The following SAMSN1 variants were observed in gnomAD, a reference collection of about 807,000 sequenced individuals.
SAMSN1 encodes SAM domain-containing protein SAMSN-1.
A neutral mutation model predicts 42.0 loss-of-function variants in SAMSN1; 31 were observed. The ratio of observed to expected loss-of-function variants is 0.74; its 90% CI spans 0.55 to 1.00. The LOEUF (loss-of-function observed/expected upper bound fraction) is 1.00. Among genes scored for constraint, SAMSN1 ranks in the 50% least tolerant of loss-of-function variants. The probability of loss-of-function intolerance (pLI) is 0.00; values close to 1 mark genes in which losing one functional copy is unlikely to be tolerated. For synonymous variants in SAMSN1, 178 were observed against 151.9 expected (o/e 1.17, Z -1.26); for missense variants, 464 against 439.4 (o/e 1.06, Z -0.50).
chr21:14,658,540 C>G (rs998424266), intron 1 of SAMSN1, among the ~76,000 whole-genome samples: 1 of 151,710 alleles, frequency 6.6e-6, no homozygotes, highest in Non-Finnish European at 1.5e-5. Context: ...TGTTGCAGAA[C>G]TCTTTTTAAT....
intron 2 of SAMSN1, among the ~76,000 whole-genome samples, chr21:14,570,390 C>A (rs1464466992): frequency 6.6e-6 from 1 of 152,150 alleles, no homozygotes; most frequent in Non-Finnish European, 1.5e-5. Flanking sequence ...GGCCTATGTC[C>A]AAGTGGAATC....
At chr21:14,621,915 C>G (rs973794835) in intron 2 of SAMSN1, among the ~76,000 whole-genome samples, 1 of 152,202 alleles carries the variant, frequency 6.6e-6, no homozygotes, top group African/African-American at 2.4e-5. Context: ...GGGTACCCCT[C>G]TGAGATGAAG....
intron 2 of SAMSN1, among the ~76,000 whole-genome samples, chr21:14,627,870 C>T (rs115154068): frequency 1.5e-3 from 222 of 152,186 alleles, no homozygotes; most frequent in African/African-American, 4.4e-3. Flanking sequence ...GAGTTAACTA[C>T]GAGGATAAGT....
chr21:14,636,452 C>T (rs1983469188), intron 2 of SAMSN1, among the ~76,000 whole-genome samples: 1 of 152,146 alleles, frequency 6.6e-6, no homozygotes, highest in Non-Finnish European at 1.5e-5. Context: ...ACTTGGGATC[C>T]AGAACTCCAG....
intron 1 of SAMSN1, among the ~76,000 whole-genome samples, chr21:14,537,271 A>G (rs1375423842): frequency 1.3e-5 from 2 of 151,994 alleles, no homozygotes; most frequent in Admixed American, 6.6e-5. Flanking sequence ...TCCTTCACCA[A>G]TCCCAAGACC....
intron 5 of SAMSN1, among the ~76,000 whole-genome samples, chr21:14,609,206 T>G (rs1450941817): frequency 6.6e-6 from 1 of 152,162 alleles, no homozygotes; most frequent in African/African-American, 2.4e-5. Flanking sequence ...AGTTTTCTTT[T>G]CAATTGCTTA....
intron 3 of SAMSN1, among the ~76,000 whole-genome samples, chr21:14,514,512 G>T (rs1987820267): frequency 6.6e-6 from 1 of 152,128 alleles, no homozygotes; most frequent in Non-Finnish European, 1.5e-5. Context: ...AGGAAAGAAA[G>T]GTTGGTTATT....
At chr21:14,529,033 A>G (rs1799995990) in intron 1 of SAMSN1, among the ~76,000 whole-genome samples, 2 of 152,256 alleles carry the variant, frequency 1.3e-5, no homozygotes, top group Non-Finnish European at 2.9e-5. Context: ...CATACTCAGC[A>G]TTCAGTGCAT....
Position 14,630,826 on chromosome 21 carries a change from C to T in SAMSN1, c.156+12176G>A, listed in dbSNP as rs150367123. ...TGCCATTGTTAATCTCATTTTCTTC[C>T]TTTAGTGTCTATGTTATTAATAGCT... On this transcript the variant is annotated intron_variant, in intron 2 of 15. Transcript: ENST00000647101. 4.6e-3 allele frequency among the ~76,000 whole-genome samples: 699 copies of T among 152,218 alleles called. 3 individuals are homozygous for T. Among genetic ancestry groups the T allele is most frequent in the African/African-American group, 0.016 (655 of 41,530 alleles).
At chr21:14,615,107 G>A (rs1429975029) in intron 3 of SAMSN1, among the ~76,000 whole-genome samples, 1 of 152,122 alleles carries the variant, frequency 6.6e-6, no homozygotes, top group East Asian at 1.9e-4. Context: ...CATACATGGC[G>A]ATAAGGCTGA....
chr21:14,648,380 C>T (rs1053418026), intron 1 of SAMSN1, among the ~76,000 whole-genome samples: 1 of 152,148 alleles, frequency 6.6e-6, no homozygotes, highest in African/African-American at 2.4e-5. Flanking sequence ...ATGTCTAAAA[C>T]ACCAAAAGCA....
intron 2 of SAMSN1, among the ~76,000 whole-genome samples, chr21:14,520,261 T>C (rs1978368228): frequency 6.6e-6 from 1 of 152,224 alleles, no homozygotes; most frequent in Non-Finnish European, 1.5e-5. Flanking sequence ...TACATTGAAG[T>C]GTGAGAGTCC....
intron 2 of SAMSN1, among the ~76,000 whole-genome samples, chr21:14,627,956 C>A (rs1282070271): frequency 3.3e-5 from 5 of 152,060 alleles, no homozygotes; most frequent in African/African-American, 1.2e-4. Context: ...CACCATTTCT[C>A]CTTCCATGTT....
intron 2 of SAMSN1, among the ~76,000 whole-genome samples, chr21:14,557,229 A>G (rs901874881): frequency 1.3e-5 from 2 of 152,196 alleles, no homozygotes; most frequent in African/African-American, 4.8e-5. Context: ...AAGCTACATG[A>G]ACTTGAGCCT....
At chr21:14,510,484 G>A in intron 4 of SAMSN1, 23 bp from the exon 5 acceptor site, 1 of 1,613,680 alleles carries the variant, frequency 6.2e-7, no homozygotes, top group East Asian at 2.2e-5. Flanking sequence ...GAAGTTCACA[G>A]TTGTCATGGA....
upstream of SAMSN1, among the ~76,000 whole-genome samples, chr21:14,586,231 C>T (rs142229862): frequency 5.8e-3 from 792 of 137,362 alleles, 5 homozygotes; most frequent in Non-Finnish European, 9.4e-3. Flanking sequence ...CCACTGAACT[C>T]CAGCCTGGGT....
intron 1 of SAMSN1, among the ~76,000 whole-genome samples, chr21:14,543,751 A>C (rs9982259): frequency 0.28 from 41,949 of 151,994 alleles, 6,126 homozygotes; most frequent in African/African-American, 0.38. Context: ...TTTTTACCCT[A>C]CTATAGGATT....
chr21:14,622,712 G>A (rs1339902536), intron 2 of SAMSN1, among the ~76,000 whole-genome samples: 3 of 152,162 alleles, frequency 2.0e-5, no homozygotes, highest in Non-Finnish European at 4.4e-5. Flanking sequence ...TATTATCAAG[G>A]AGAACTTCCC....
chr21:14,620,625 T>C (rs1358239030), intron 2 of SAMSN1, among the ~76,000 whole-genome samples: 1 of 152,230 alleles, frequency 6.6e-6, no homozygotes, highest in Non-Finnish European at 1.5e-5. Flanking sequence ...CAAAAAAGAA[T>C]TGCAAGTAGT....
Sources: gnomAD v4.1 joint callset for allele counts (sites outside exome capture counted in the v4.1 genomes callset) on GRCh38, gnomAD v4.1.1 for gene constraint, MANE v1.5 for transcripts, NCBI Gene and HGNC (gene_info 2026-07-23, HGNC 2026-07-21) for gene names.